The following APBB2 variants were observed in gnomAD, a reference collection of about 807,000 sequenced individuals.
The protein encoded by APBB2 is Fe65-like 1.
Under a neutral mutation model 82.5 loss-of-function variants are expected in APBB2, and 38 were observed. The observed-to-expected ratio is 0.46, with a 90% confidence interval of 0.36 to 0.60. The LOEUF is 0.60. Ranked by LOEUF, APBB2 falls within the 20% of genes least tolerant of loss-of-function variation. The pLI is 0.00. For missense variants in APBB2, 772 were observed against 972.3 expected (o/e 0.79, Z 2.74); for synonymous variants, 341 against 368.2 (o/e 0.93, Z 0.85).
intron 10 of APBB2, among the ~76,000 whole-genome samples, chr4:40,911,513 G>A (rs982018544): frequency 1.3e-5 from 2 of 152,184 alleles, no homozygotes; most frequent in East Asian, 1.9e-4. Context: ...TCAGTCGGGG[G>A]ACCTAGAGTC....
At chr4:41,072,478 T>C (rs1009124504) in intron 3 of APBB2, among the ~76,000 whole-genome samples, 6 of 152,216 alleles carry the variant, frequency 3.9e-5, no homozygotes, top group African/African-American at 1.4e-4. Context: ...AAGTCAGCTA[T>C]GATTTTGGAA....
intron 1 of APBB2, among the ~76,000 whole-genome samples, chr4:41,202,615 A>G (rs1776968652): frequency 1.3e-5 from 2 of 152,186 alleles, no homozygotes; most frequent in Admixed American, 1.3e-4. Flanking sequence ...CAAATTTTTT[A>G]CAACTGCATC....
chr4:41,032,647 C>A (rs1293920067), intron 5 of APBB2, among the ~76,000 whole-genome samples: 1 of 152,074 alleles, frequency 6.6e-6, no homozygotes, highest in Non-Finnish European at 1.5e-5. Context: ...TAAAATTTGA[C>A]AGTTTTAAGC....
At chr4:40,998,961 G>A (rs997368980) in intron 6 of APBB2, among the ~76,000 whole-genome samples, 2 of 152,014 alleles carry the variant, frequency 1.3e-5, no homozygotes, top group Non-Finnish European at 2.9e-5. Flanking sequence ...TACCGAGAAC[G>A]GTGTGCAGCT....
chr4:41,144,392 A>C (rs1052968141), intron 1 of APBB2, among the ~76,000 whole-genome samples: 2 of 152,234 alleles, frequency 1.3e-5, no homozygotes, highest in Non-Finnish European at 2.9e-5. Flanking sequence ...ATCTAAAGAC[A>C]CCTAAGTATG....
intron 12 of APBB2, chr4:40,881,111 T>C (rs751119067): frequency 1.8e-5 from 18 of 985,232 alleles, no homozygotes; most frequent in Non-Finnish European, 2.2e-5. Flanking sequence ...AGAGATAAAA[T>C]AGAACCACAG....
intron 6 of APBB2, among the ~76,000 whole-genome samples, chr4:40,997,765 A>T (rs1291264229): frequency 6.6e-6 from 1 of 152,244 alleles, no homozygotes; most frequent in Non-Finnish European, 1.5e-5. Flanking sequence ...CAGTAGCATA[A>T]GCTATATTAG....
At chr4:41,058,229 T>C (rs1267529983) in intron 4 of APBB2, among the ~76,000 whole-genome samples, 2 of 151,854 alleles carry the variant, frequency 1.3e-5, no homozygotes, top group Non-Finnish European at 2.9e-5. Flanking sequence ...GACACTCTTT[T>C]ATTACAACAA....
rs571143985 is a variant in APBB2 at position 41,001,482 on chromosome 4, G to A, written c.835+12101C>T. On this transcript the variant is annotated intron_variant, in intron 6 of 17. Transcript: ENST00000508593. The stretch of plus-strand genomic sequence containing the variant: ...ATATGAAGAATTCTTCAAGTAACAC[G>A]CAGGGAGAAAAATATCAACTAACAA... 2.0e-4 allele frequency among the ~76,000 whole-genome samples: 30 copies of A among 152,290 alleles called. No individual in the cohort carries two copies. The East Asian group carries it at 2.9e-3, about 15-fold the overall frequency.
Position 40,822,443 on chromosome 4 carries a change from C to T in APBB2, c.1933-393G>A, listed in dbSNP as rs926140225. The T allele has an allele frequency of 1.1e-4, 18 of 166,100 alleles. 1 individual carries two copies. Among genetic ancestry groups the T allele is most frequent in the African/African-American group, 2.1e-4 (9 of 42,060 alleles). The allele number at this position is 166,100 out of a possible 1,614,324, so 10.3% of individuals were successfully genotyped here. ...CAGAGCACCAGAAAAAAGGGATTCA[C>T]GGTATCTTTCTTCGTCCAGTGATTC... On this transcript the variant is annotated intron_variant, in intron 16 of 17. Transcript: ENST00000508593.
intron 6 of APBB2, among the ~76,000 whole-genome samples, chr4:40,960,498 A>T (rs1431190698): frequency 1.6e-5 from 2 of 127,888 alleles, no homozygotes; most frequent in Non-Finnish European, 3.1e-5. Flanking sequence ...CCCAGGCTGG[A>T]GTGCAGTGGT....
chr4:41,140,392 T>A (rs1322785048), intron 2 of APBB2, among the ~76,000 whole-genome samples: 1 of 152,270 alleles, frequency 6.6e-6, no homozygotes, highest in African/African-American at 2.4e-5. Flanking sequence ...ATTTTTTAAA[T>A]CTTTTTAATG....
At chr4:40,926,660 C>T (rs748789695) in intron 10 of APBB2, among the ~76,000 whole-genome samples, 1 of 152,180 alleles carries the variant, frequency 6.6e-6, no homozygotes, top group East Asian at 1.9e-4. Context: ...GTCATGTTGG[C>T]CAGGCTAGTC....
At chr4:40,835,381 G>A (rs1245807944) in intron 12 of APBB2, among the ~76,000 whole-genome samples, 2 of 152,216 alleles carry the variant, frequency 1.3e-5, no homozygotes, top group East Asian at 1.9e-4. Flanking sequence ...TTCCAGCCTT[G>A]CAAGCCCGTC....
At chr4:40,960,271 T>C (rs1792740233) in intron 6 of APBB2, among the ~76,000 whole-genome samples, 1 of 152,002 alleles carries the variant, frequency 6.6e-6, no homozygotes, top group East Asian at 1.9e-4. Flanking sequence ...GGAGTACCTC[T>C]ACCTACATTA....
intron 7 of APBB2, among the ~76,000 whole-genome samples, chr4:40,944,255 C>G (rs1269246483): frequency 6.6e-6 from 1 of 152,230 alleles, no homozygotes; most frequent in African/African-American, 2.4e-5. Context: ...ATAAACACCA[C>G]AATGACATTT....
intron 12 of APBB2, among the ~76,000 whole-genome samples, chr4:40,879,533 G>T (rs1315585295): frequency 6.6e-6 from 1 of 152,022 alleles, no homozygotes; most frequent in Non-Finnish European, 1.5e-5. Flanking sequence ...ATAGCTCTAG[G>T]GAACTCTATG....
chr4:40,935,070 T>C lies in APBB2; in HGVS notation c.1107+7A>G, dbSNP rs1305232934. 15 of 1,529,286 alleles carry C rather than the reference T, an allele frequency of 9.8e-6. No individual in the cohort carries two copies. The highest frequency in any genetic ancestry group is 1.3e-5 in the Non-Finnish European group (15 of 1,140,168). The allele number at this position is 1,529,286 out of a possible 1,614,324, so 94.7% of individuals were successfully genotyped here. A position where few individuals can be genotyped will look rare whatever the true frequency, so the allele number is the denominator to read the frequency against. ...TTAAATGATCTAAGATCTGACAATATACTTGCCTTCCAAATGTCACTATTA... is the reference window on the plus strand; with the variant it reads ...TTAAATGATCTAAGATCTGACAATACACTTGCCTTCCAAATGTCACTATTA... On this transcript the variant is annotated splice_region_variant and intron_variant, in intron 8 of 17. Transcript: ENST00000508593.
At chr4:41,081,678 G>A (rs1250785770) in intron 3 of APBB2, among the ~76,000 whole-genome samples, 2 of 152,036 alleles carry the variant, frequency 1.3e-5, no homozygotes, top group Admixed American at 1.3e-4. Flanking sequence ...TCCAGTGAAG[G>A]TTCTACTTCC....
Sources: gnomAD v4.1 joint callset for allele counts (sites outside exome capture counted in the v4.1 genomes callset) on GRCh38, gnomAD v4.1.1 for gene constraint, MANE v1.5 for transcripts, NCBI Gene and HGNC (gene_info 2026-07-23, HGNC 2026-07-21) for gene names.